HERC4: variants seen among roughly 807,000 people sequenced by gnomAD.
HERC4 encodes HECT and RLD domain containing E3 ubiquitin protein ligase 4.
A neutral mutation model predicts 124.3 loss-of-function variants in HERC4; 28 were observed. That is an observed-to-expected ratio of 0.23 (90% CI 0.17 to 0.31). The LOEUF is 0.31. Among genes scored for constraint, HERC4 ranks in the 10% least tolerant of loss-of-function variants. The pLI is 1.00. For synonymous variants in HERC4, 407 were observed against 421.5 expected (o/e 0.97, Z 0.42); for missense variants, 713 against 1,229.3 (o/e 0.58, Z 6.28).
Position 68,039,579 on chromosome 10 carries a change from G to A in HERC4, c.387-1410C>T, listed in dbSNP as rs775997856. 357 of 1,510,790 alleles carry A rather than the reference G, an allele frequency of 2.4e-4. 1 individual carries two copies. The highest frequency in any genetic ancestry group is 3.1e-4 in the Non-Finnish European group (348 of 1,129,208). 93.6% of individuals were successfully genotyped at this position (1,510,790 alleles called of 1,614,324 possible). ...AAATATTTTTATTTAGTGAAGTTAT[G>A]CTCTTAACTACAAAACCTGAGAGCT... On this transcript the variant is annotated intron_variant, in intron 4 of 24. Coordinates refer to ENST00000373700, the MANE Select transcript of HERC4 (RefSeq NM_015601.4).
chr10:67,971,834 G>A (rs1203944243), intron 15 of HERC4, among the ~76,000 whole-genome samples: 1 of 152,040 alleles, frequency 6.6e-6, no homozygotes, highest in Admixed American at 6.6e-5. Context: ...ATATAAAAAA[G>A]CCAAATGAAT....
At chr10:68,065,578 CAA>C (rs2041259447) in intron 3 of HERC4, among the ~76,000 whole-genome samples, 3 of 151,934 alleles carry the variant, frequency 2.0e-5, no homozygotes, top group Admixed American at 6.6e-5. Context: ...CAAAAACAAA[CAA>C]ACTCTAATAA....
At chr10:68,060,659 T>C (rs2040960132) in intron 3 of HERC4, among the ~76,000 whole-genome samples, 1 of 152,182 alleles carries the variant, frequency 6.6e-6, no homozygotes, top group Non-Finnish European at 1.5e-5. Flanking sequence ...CCCCTTATTC[T>C]CAGTTGCAGA....
chr10:67,923,169 A>T, intron 24 of HERC4, 30 bp from the exon 25 acceptor site: 2 of 1,547,530 alleles, frequency 1.3e-6, no homozygotes, highest in Non-Finnish European at 1.8e-6. Context: ...TCAGTCAACC[A>T]CTTCAAAACA....
At chr10:68,003,419 C>T (rs1225956963) in intron 9 of HERC4, among the ~76,000 whole-genome samples, 2 of 150,912 alleles carry the variant, frequency 1.3e-5, no homozygotes, top group African/African-American at 4.9e-5. Flanking sequence ...ATGATCTGCC[C>T]GCCTCAGCCT....
chr10:67,998,727 T>C (rs2037052572), intron 9 of HERC4, among the ~76,000 whole-genome samples: 1 of 152,206 alleles, frequency 6.6e-6, no homozygotes, highest in East Asian at 1.9e-4. Context: ...GGGATGTTCT[T>C]CAGGCTTACC....
Position 68,059,507 on chromosome 10 carries a change from A to ATATT in HERC4, c.226+13375_226+13376insAATA, listed in dbSNP as rs1564607133. 2.6e-4 allele frequency among the ~76,000 whole-genome samples: 31 copies of ATATT among 121,318 alleles called. 1 individual carries two copies. In the East Asian group the frequency reaches 2.8e-3, roughly 11 times the overall value. 79.6% of individuals were successfully genotyped at this position (121,318 alleles called of 152,430 possible). Reference sequence around the variant, plus strand: ...TATATATTATAACATTATATATTATAATATTATATATCATAATAATATTAT... The same window carrying ATATT: ...TATATATTATAACATTATATATTATATATTATATTATATATCATAATAATATTAT... On this transcript the variant is annotated intron_variant, in intron 3 of 24. Transcript: ENST00000373700.
chr10:68,057,163 C>G (rs2040590019), intron 3 of HERC4, among the ~76,000 whole-genome samples: 1 of 152,088 alleles, frequency 6.6e-6, no homozygotes, highest in African/African-American at 2.4e-5. Context: ...CTCTCACAGT[C>G]AAGCACTGTA....
At chr10:67,954,392 G>A (rs1344420592) in intron 19 of HERC4, 1 of 382,744 alleles carries the variant, frequency 2.6e-6, no homozygotes, top group Non-Finnish European at 4.6e-6. Context: ...AATTTATTTT[G>A]TTAATTTAAA....
intron 17 of HERC4, 110 bp from the exon 18 acceptor site, chr10:67,955,240 T>A: frequency 1.1e-6 from 1 of 906,722 alleles, no homozygotes; most frequent in South Asian, 1.6e-5. Context: ...ATTCCTATGC[T>A]ACTGAATTAA....
chr10:67,968,371 C>G (rs1011208849), intron 15 of HERC4, among the ~76,000 whole-genome samples: 31 of 151,612 alleles, frequency 2.0e-4, no homozygotes, highest in African/African-American at 7.3e-4. Context: ...AGCTGAGAGG[C>G]TACTCCTTTT....
intron 16 of HERC4, chr10:67,965,293 T>C (rs2034793265): frequency 6.6e-6 from 1 of 152,220 alleles, no homozygotes; most frequent in Admixed American, 6.5e-5. Context: ...CTGGTATTTT[T>C]TGCTTTGTTT....
At chr10:67,979,721 C>T (rs2035812927) in intron 15 of HERC4, among the ~76,000 whole-genome samples, 1 of 152,094 alleles carries the variant, frequency 6.6e-6, no homozygotes, top group African/African-American at 2.4e-5. Context: ...GAGCTGGGCG[C>T]AGTAGCTCAC....
chr10:68,002,683 C>G (rs2037302507), intron 9 of HERC4, among the ~76,000 whole-genome samples: 1 of 149,172 alleles, frequency 6.7e-6, no homozygotes, highest in African/African-American at 2.5e-5. Flanking sequence ...ACTGCAACCT[C>G]TGCCTCCTGG....
In HERC4 at chr10:67,927,408, ATATATATATATATATATATATATT is replaced by A. The variant is rs1254101320; in HGVS notation, c.2839-2245_2839-2222del. Among the ~76,000 whole-genome samples the A allele has an allele frequency of 6.4e-3, 61 of 9,476 alleles. 2 individuals are homozygous for A. The highest frequency in any genetic ancestry group is 0.015 in the African/African-American group (55 of 3,608). The allele number at this position is 9,476 out of a possible 152,430, so 6.2% of individuals were successfully genotyped here. A position where few individuals can be genotyped will look rare whatever the true frequency, so the allele number is the denominator to read the frequency against. On this transcript the variant is annotated intron_variant, in intron 23 of 24. Coordinates refer to ENST00000373700, the MANE Select transcript of HERC4 (RefSeq NM_015601.4). ...TATATATATATATATATATATATAT[ATATATATATATATATATATATATT>A]TTTTTTTTTTTTTAGATAGAGTCTT...
At chr10:67,959,194 ATT>A (rs2034339896) in intron 16 of HERC4, 3 of 1,452,546 alleles carry the variant, frequency 2.1e-6, no homozygotes, top group Non-Finnish European at 2.8e-6. Context: ...TAGTGTCCAA[ATT>A]TAACTATTTC....
intron 15 of HERC4, among the ~76,000 whole-genome samples, chr10:67,973,772 G>A (rs2035394883): frequency 6.6e-6 from 1 of 152,132 alleles, no homozygotes; most frequent in South Asian, 2.1e-4. Flanking sequence ...ACTGTACATA[G>A]GTTGGGCACG....
intron 8 of HERC4, 92 bp from the exon 9 acceptor site, chr10:68,014,278 TTTC>T: frequency 8.4e-7 from 1 of 1,193,164 alleles, no homozygotes; most frequent in Non-Finnish European, 1.1e-6. Context: ...AGAGGTAATT[TTTC>T]TTTTCAAAAA....
At chr10:67,980,096 T>C in intron 15 of HERC4, among the ~76,000 whole-genome samples, 1 of 152,134 alleles carries the variant, frequency 6.6e-6, no homozygotes. Context: ...AGTGAAAATA[T>C]CCTTCAAACA....
Sources: gnomAD v4.1 joint callset for allele counts (sites outside exome capture counted in the v4.1 genomes callset) on GRCh38, gnomAD v4.1.1 for gene constraint, MANE v1.5 for transcripts, NCBI Gene and HGNC (gene_info 2026-07-23, HGNC 2026-07-21) for gene names.